The following LOC400499 variants were observed in gnomAD, a reference collection of about 807,000 sequenced individuals.
the LOC400499 span, among the ~76,000 whole-genome samples, chr16:11,506,090 G>A: frequency 6.6e-6 from 1 of 152,150 alleles, no homozygotes; most frequent in Non-Finnish European, 1.5e-5. Context: ...AGGCTGGAGT[G>A]CAGTGGAGTG....
At chr16:11,439,264 C>G in the LOC400499 span, among the ~76,000 whole-genome samples, 226 of 152,304 alleles carry the variant, frequency 1.5e-3, 2 homozygotes, top group African/African-American at 5.1e-3. Context: ...TCCTTCACCC[C>G]CTTCAGCCTG....
the LOC400499 span, chr16:11,450,499 C>A: frequency 5.8e-5 from 62 of 1,070,946 alleles, no homozygotes; most frequent in South Asian, 9.1e-4. Context: ...ACTTCACACA[C>A]CTGTGAGCTG....
At chr16:11,385,178 A>C in the LOC400499 span, 3 of 1,231,304 alleles carry the variant, frequency 2.4e-6, no homozygotes, top group South Asian at 8.2e-5. Flanking sequence ...GGGGAGGCTC[A>C]GTCCTACAGG....
chr16:11,490,529 C>T, the LOC400499 span, among the ~76,000 whole-genome samples: 1 of 151,896 alleles, frequency 6.6e-6, no homozygotes, highest in Non-Finnish European at 1.5e-5. Flanking sequence ...GAAACCCCGT[C>T]TCTACTAAAA....
the LOC400499 span, among the ~76,000 whole-genome samples, chr16:11,416,840 A>G: frequency 5.3e-5 from 8 of 152,140 alleles, no homozygotes; most frequent in Non-Finnish European, 4.4e-5. Flanking sequence ...GTGTTGAAGA[A>G]TAGCAAGGAG....
chr16:11,401,886 G>C, the LOC400499 span, among the ~76,000 whole-genome samples: 20 of 152,200 alleles, frequency 1.3e-4, no homozygotes, highest in African/African-American at 4.6e-4. Flanking sequence ...TGCCCCCCCA[G>C]TGCCTTTCCC....
the LOC400499 span, among the ~76,000 whole-genome samples, chr16:11,449,270 G>T: frequency 1.3e-5 from 2 of 152,260 alleles, no homozygotes; most frequent in Admixed American, 1.3e-4. Context: ...AGGTAGGCTA[G>T]TTTTCTCTAC....
chr16:11,478,075 G>C, the LOC400499 span: 2 of 396,084 alleles, frequency 5.0e-6, no homozygotes, highest in Non-Finnish European at 8.9e-6. Flanking sequence ...CACTTTGGGA[G>C]GCCGAGACGG....
chr16:11,513,179 G>GCA, the LOC400499 span, among the ~76,000 whole-genome samples: 5 of 152,196 alleles, frequency 3.3e-5, no homozygotes, highest in Admixed American at 3.3e-4. Flanking sequence ...CGAGGTGGAA[G>GCA]GATTATTTGA....
At chr16:11,429,233 G>C in the LOC400499 span, among the ~76,000 whole-genome samples, 1 of 152,074 alleles carries the variant, frequency 6.6e-6, no homozygotes, top group Non-Finnish European at 1.5e-5. Flanking sequence ...CCTTTCCATA[G>C]TGAGATCTGG....
chr16:11,403,434 C>A, the LOC400499 span, among the ~76,000 whole-genome samples: 1 of 152,282 alleles, frequency 6.6e-6, no homozygotes, highest in South Asian at 2.1e-4. Flanking sequence ...GGCATGCACA[C>A]ACGTGCATGT....
chr16:11,525,110 C>T, the LOC400499 span, among the ~76,000 whole-genome samples: 1 of 151,940 alleles, frequency 6.6e-6, no homozygotes, highest in African/African-American at 2.4e-5. Flanking sequence ...ATGGCGAAAC[C>T]CCCTCTCTAT....
At chr16:11,415,810 A>G in the LOC400499 span, among the ~76,000 whole-genome samples, 9 of 152,022 alleles carry the variant, frequency 5.9e-5, no homozygotes, top group Non-Finnish European at 1.3e-4. Context: ...GTCATCCAGA[A>G]TGGCCTCCCC....
At chr16:11,477,819 A>G in the LOC400499 span, 2 of 398,814 alleles carry the variant, frequency 5.0e-6, no homozygotes, top group Non-Finnish European at 8.8e-6. Context: ...GGAGCTAGAT[A>G]CCTGGGCTTG....
the LOC400499 span, among the ~76,000 whole-genome samples, chr16:11,480,792 G>T: frequency 6.6e-6 from 1 of 152,150 alleles, no homozygotes. Context: ...AGAAATTGTT[G>T]TTTGTTCACA....
At chr16:11,527,577 C>T in the LOC400499 span, among the ~76,000 whole-genome samples, 7 of 152,132 alleles carry the variant, frequency 4.6e-5, no homozygotes, top group African/African-American at 1.7e-4. Flanking sequence ...TTAACCATTT[C>T]ATTTATTTTA....
chr16:11,390,493 G>A, the LOC400499 span: 10 of 1,234,012 alleles, frequency 8.1e-6, no homozygotes, highest in East Asian at 2.8e-4. Context: ...CCCACCATGA[G>A]ACCTCAGGGC....
chr16:11,410,226 G>T, the LOC400499 span, among the ~76,000 whole-genome samples: 1 of 152,186 alleles, frequency 6.6e-6, no homozygotes, highest in African/African-American at 2.4e-5. Flanking sequence ...GGCCGAGGTG[G>T]GTGGATCATT....
At chr16:11,434,074 G>T in the LOC400499 span, among the ~76,000 whole-genome samples, 2 of 152,184 alleles carry the variant, frequency 1.3e-5, no homozygotes, top group Non-Finnish European at 2.9e-5. Context: ...AGGGTCTATA[G>T]GAACCTGAGT....
Sources: allele counts gnomAD v4.1 joint callset (sites outside exome capture counted in the v4.1 genomes callset), GRCh38; gene constraint gnomAD v4.1.1; transcripts MANE v1.5.